TSPAN7: variants seen among roughly 807,000 people sequenced by gnomAD.
TSPAN7 encodes the protein tetraspanin-7.
In TSPAN7, 1 loss-of-function variant was observed where a neutral mutation model predicts 17.6. That is an observed-to-expected ratio of 0.06 (90% confidence interval 0.02 to 0.27). The LOEUF (loss-of-function observed/expected upper bound fraction) is 0.27, where lower values mean the gene tolerates loss of function less well. TSPAN7 is among the 10% of genes least tolerant of loss of function. TSPAN7 has a pLI of 1.00. For missense variants in TSPAN7, 112 were observed against 201.7 expected (o/e 0.56, Z 2.69); for synonymous variants, 78 against 79.0 (o/e 0.99, Z 0.07).
At chrX:38,643,461 T>C (rs1283077411) in intron 1 of TSPAN7, among the ~76,000 whole-genome samples, 1 of 109,819 alleles carries the variant, frequency 9.1e-6, no homozygotes, top group Non-Finnish European at 1.9e-5. Context: ...AAAGCAAAAT[T>C]GTTAGAATGG....
Position 38,651,890 on chromosome X carries a change from A to G in TSPAN7, c.82-14231A>G, listed in dbSNP as rs768545127. Among the ~76,000 whole-genome samples, 4 of 112,328 alleles carry G rather than the reference A, an allele frequency of 3.6e-5. No individual in the cohort carries two copies. The South Asian group carries it at 1.5e-3, about 42-fold the overall frequency. On this transcript the variant is annotated intron_variant, in intron 1 of 7. Coordinates refer to ENST00000378482, the MANE Select transcript of TSPAN7 (RefSeq NM_004615.4). ...TGTGAAAAGTATGAAGGTTGCAACTATAGTTTTTGTAAATTTATCTTTAAC... is the reference window on the plus strand; with the variant it reads ...TGTGAAAAGTATGAAGGTTGCAACTGTAGTTTTTGTAAATTTATCTTTAAC...
In TSPAN7 at chrX:38,577,464, G is replaced by C. The variant is rs770882084; in HGVS notation, c.81+15837G>C. 3.6e-5 allele frequency among the ~76,000 whole-genome samples: 4 copies of C among 110,053 alleles called. No homozygotes were observed. In the East Asian group the frequency reaches 1.2e-3, roughly 32 times the overall value. ...TAATCAGCCTTGTAAGATGTGAATGGAGAAGTTCTTTTTTAGGCATTCAAA... is the reference window on the plus strand; with the variant it reads ...TAATCAGCCTTGTAAGATGTGAATGCAGAAGTTCTTTTTTAGGCATTCAAA... On this transcript the variant is annotated intron_variant, in intron 1 of 7. Transcript: ENST00000378482.
At chrX:38,671,232 G>C in intron 2 of TSPAN7, 144 bp from the exon 3 acceptor site, 1 of 591,671 alleles carries the variant, frequency 1.7e-6, no homozygotes, top group Non-Finnish European at 2.9e-6. Flanking sequence ...ATTTAGAGAC[G>C]AATGTTTTAT....
At chrX:38,606,495 G>A (rs2069384204) in intron 1 of TSPAN7, among the ~76,000 whole-genome samples, 1 of 111,731 alleles carries the variant, frequency 9.0e-6, no homozygotes, top group Non-Finnish European at 1.9e-5. Context: ...ACGAGCCAGA[G>A]CTACAGCCTT....
chrX:38,618,923 T>C (rs1283725968), intron 1 of TSPAN7, among the ~76,000 whole-genome samples: 3 of 111,250 alleles, frequency 2.7e-5, no homozygotes, highest in Non-Finnish European at 5.7e-5. Context: ...GCTGGGTGGC[T>C]TTTCTTCTTG....
intron 3 of TSPAN7, among the ~76,000 whole-genome samples, chrX:38,673,019 T>C (rs2069830772): frequency 8.9e-6 from 1 of 112,021 alleles, no homozygotes; most frequent in Admixed American, 9.4e-5. Context: ...TGTAGCGAAA[T>C]GAGATGACAC....
intron 5 of TSPAN7, among the ~76,000 whole-genome samples, chrX:38,676,532 C>T (rs1356606018): frequency 6.2e-5 from 7 of 112,084 alleles, no homozygotes. Flanking sequence ...GATATAACTG[C>T]ATGTGAAGAT....
intron 1 of TSPAN7, among the ~76,000 whole-genome samples, chrX:38,588,363 C>T (rs1346620572): frequency 9.0e-6 from 1 of 111,484 alleles, no homozygotes; most frequent in African/African-American, 3.3e-5. Flanking sequence ...CATCTTAATA[C>T]TATAGGCTAT....
At chrX:38,577,941 C>A (rs1006899057) in intron 1 of TSPAN7, among the ~76,000 whole-genome samples, 2 of 110,268 alleles carry the variant, frequency 1.8e-5, no homozygotes, top group African/African-American at 6.6e-5. Context: ...CTGTGTAGGC[C>A]CCTGGACAGC....
At chrX:38,650,389 G>C (rs1175993007) in intron 1 of TSPAN7, among the ~76,000 whole-genome samples, 1 of 112,766 alleles carries the variant, frequency 8.9e-6, no homozygotes, top group African/African-American at 3.2e-5. Context: ...CATGGTGCCT[G>C]CTGGTCCATC....
chrX:38,675,560 C>A, intron 4 of TSPAN7, 145 bp from the exon 5 acceptor site: 2 of 640,559 alleles, frequency 3.1e-6, no homozygotes, highest in Non-Finnish European at 4.9e-6. Context: ...GTTATTGGAG[C>A]TTCCATTCAT....
chrX:38,647,296 T>C (rs901524014), intron 1 of TSPAN7, among the ~76,000 whole-genome samples: 3 of 111,650 alleles, frequency 2.7e-5, no homozygotes, highest in Non-Finnish European at 5.6e-5. Context: ...GAAATATTTT[T>C]GGTAGAGATG....
At chrX:38,638,239 A>G (rs2069592679) in intron 1 of TSPAN7, among the ~76,000 whole-genome samples, 1 of 112,173 alleles carries the variant, frequency 8.9e-6, no homozygotes, top group Non-Finnish European at 1.9e-5. Context: ...TTGAAATTGT[A>G]TTGACTTACC....
intron 1 of TSPAN7, among the ~76,000 whole-genome samples, chrX:38,564,785 A>G (rs1198346344): frequency 8.9e-6 from 1 of 111,764 alleles, no homozygotes; most frequent in East Asian, 2.8e-4. Flanking sequence ...TCTTGAAGAA[A>G]TATTTATTCA....
At position 38,675,779 on chromosome X, in the gene TSPAN7, C is replaced by T. The variant is rs142657644; in HGVS notation, c.516C>T (p.Pro172=). ...SPYFLEHGIP[P]SCCMNETDCN... is the part of the protein sequence containing the mutation. ...ACTTCCTGGAGCATGGCATCCCCCC[C>T]AGCTGCTGCATGAACGAAACTGATT... is the stretch of plus-strand genomic sequence containing the variant. The change falls in exon 5 of 8, where the codon CCC becomes CCT. Residue 172 remains proline (P), a synonymous_variant. Transcript: ENST00000378482. The T allele has an allele frequency of 2.5e-5, 30 of 1,209,123 alleles. No individual in the cohort carries two copies. The South Asian group carries it at 4.2e-4, about 17-fold the overall frequency.
intron 1 of TSPAN7, among the ~76,000 whole-genome samples, chrX:38,652,207 C>A (rs895066909): frequency 1.9e-4 from 21 of 111,994 alleles, no homozygotes; most frequent in Non-Finnish European, 2.6e-4. Context: ...GCTGTTAATG[C>A]TCCTATTCAT....
At chrX:38,666,959 C>T (rs1447898344) in intron 2 of TSPAN7, among the ~76,000 whole-genome samples, 1 of 112,117 alleles carries the variant, frequency 8.9e-6, no homozygotes, top group African/African-American at 3.2e-5. Flanking sequence ...TGATATGCAG[C>T]TTTGGTGGCA....
chrX:38,567,217 T>G (rs898573988), intron 1 of TSPAN7, among the ~76,000 whole-genome samples: 2 of 112,214 alleles, frequency 1.8e-5, no homozygotes, highest in Non-Finnish European at 3.8e-5. Flanking sequence ...GTTCTTAAGC[T>G]GCTAATAAAG....
chrX:38,577,745 A>T (rs1291755860), intron 1 of TSPAN7, among the ~76,000 whole-genome samples: 1 of 107,812 alleles, frequency 9.3e-6, no homozygotes, highest in Non-Finnish European at 1.9e-5. Context: ...GCACACTAAC[A>T]TGGCACATGT....
Sources: allele counts gnomAD v4.1 joint callset (sites outside exome capture counted in the v4.1 genomes callset), GRCh38; gene constraint gnomAD v4.1.1; transcripts MANE v1.5; gene names NCBI Gene and HGNC (gene_info 2026-07-23, HGNC 2026-07-21).